The following OR6J1 variants were observed in gnomAD, a reference collection of about 807,000 sequenced individuals.
OR6J1 encodes the protein olfactory receptor 6J1.
For missense variants in OR6J1, 304 were observed against 166.8 expected, an observed-to-expected ratio of 1.82 and a Z score of -4.53; for synonymous variants, 109 against 70.0, an observed-to-expected ratio of 1.56 and a Z score of -2.78.
Position 22,641,367 on chromosome 14 carries a change from G to A in OR6J1, c.-28+2731C>T, listed in dbSNP as rs1454043325. Among the ~76,000 whole-genome samples the A allele has an allele frequency of 1.2e-4, 12 of 101,374 alleles. 1 individual carries two copies. The highest frequency in any genetic ancestry group is 1.8e-4 in the Non-Finnish European group (9 of 48,714). 66.5% of individuals were successfully genotyped at this position (101,374 alleles called of 152,430 possible). On this transcript the variant is annotated intron_variant, in intron 1 of 1. Coordinates refer to ENST00000540461, the MANE Select transcript of OR6J1 (RefSeq NM_001348233.2). The stretch of plus-strand genomic sequence containing the variant: ...GAGGGAGGGAAGAAAGAAAGAAAGG[G>A]GGGAGAGAAGAAAGAAAGAGAGAGA...
intron 1 of OR6J1, among the ~76,000 whole-genome samples, chr14:22,637,195 G>A (rs2037595638): frequency 9.8e-6 from 1 of 101,824 alleles, no homozygotes; most frequent in South Asian, 2.7e-4. Context: ...CGTCTGAGAA[G>A]TGAGGAGCCC....
intron 1 of OR6J1, among the ~76,000 whole-genome samples, chr14:22,643,744 C>CAG (rs2037668181): frequency 9.9e-6 from 1 of 101,380 alleles, no homozygotes; most frequent in African/African-American, 3.9e-5. Context: ...CACACACACA[C>CAG]ACACACACAC....
chr14:22,633,147 G>C lies in OR6J1; in HGVS notation c.*621C>G, dbSNP rs936110181. 6 of 153,204 alleles carry C rather than the reference G, an allele frequency of 3.9e-5. No homozygotes were observed. Among genetic ancestry groups the C allele is most frequent in the African/African-American group, 1.4e-4 (6 of 41,422 alleles). 9.5% of individuals were successfully genotyped at this position (153,204 alleles called of 1,614,324 possible). A position where few individuals can be genotyped will look rare whatever the true frequency, so the allele number is the denominator to read the frequency against. On this transcript the variant is annotated 3_prime_UTR_variant, in exon 2 of 2. Transcript: ENST00000540461. The stretch of plus-strand genomic sequence containing the variant: ...GTGCAAGTGTCCCTGCAGGTGATGG[G>C]TTATGCCTTCAGTCAGATTATCCAT...
chr14:22,637,530 G>C (rs1336277398), intron 1 of OR6J1, among the ~76,000 whole-genome samples: 1 of 35,428 alleles, frequency 2.8e-5, no homozygotes, highest in African/African-American at 2.5e-4. Flanking sequence ...CGTCCGGGAG[G>C]GGGGAGGGGG....
At position 22,641,254 on chromosome 14, in the gene OR6J1, AAAGAAAGAAAGAAAGG is replaced by A. The variant is rs1410680315; in HGVS notation, c.-28+2828_-28+2843del. Among the ~76,000 whole-genome samples the A allele has an allele frequency of 2.1e-3, 263 of 122,346 alleles. 14 individuals are homozygous for A. The highest frequency in any genetic ancestry group is 5.1e-3 in the African/African-American group (170 of 33,492). 80.3% of individuals were successfully genotyped at this position (122,346 alleles called of 152,430 possible). A position where few individuals can be genotyped will look rare whatever the true frequency, so the allele number is the denominator to read the frequency against. ...GAAAGAAAGAAAGAAAGAAAGAAAG[AAAGAAAGAAAGAAAGG>A]AAGGAAGGAAGAAAGAGAAGAAAGA... On this transcript the variant is annotated intron_variant, in intron 1 of 1. Coordinates refer to ENST00000540461, the MANE Select transcript of OR6J1 (RefSeq NM_001348233.2).
At chr14:22,640,925 A>G (rs1594903833) in intron 1 of OR6J1, among the ~76,000 whole-genome samples, 1 of 150,676 alleles carries the variant, frequency 6.6e-6, no homozygotes, top group East Asian at 2.0e-4. Flanking sequence ...TCCCAGCACT[A>G]TGGAAGGCCG....
intron 1 of OR6J1, among the ~76,000 whole-genome samples, chr14:22,642,013 G>A (rs1052757500): frequency 2.0e-5 from 3 of 152,002 alleles, no homozygotes; most frequent in Non-Finnish European, 4.4e-5. Flanking sequence ...AGTAAAGGAA[G>A]AGGACTGCAG....
intron 1 of OR6J1, among the ~76,000 whole-genome samples, chr14:22,639,161 G>A (rs1246184686): frequency 4.7e-5 from 5 of 105,458 alleles, no homozygotes; most frequent in East Asian, 4.7e-4. Flanking sequence ...GAGCCTCTCC[G>A]CCCGGCAGCC....
rs978417085 is a variant in OR6J1, at chr14:22,632,375, G to A, written c.*1393C>T. On this transcript the variant is annotated 3_prime_UTR_variant, in exon 2 of 2. Coordinates refer to ENST00000540461, the MANE Select transcript of OR6J1 (RefSeq NM_001348233.2). ...GAGTTCAGGAGATCGAGACCATCCTGGCTAACACAGTGAAGCCCCATCTCT... is the reference window on the plus strand; with the variant it reads ...GAGTTCAGGAGATCGAGACCATCCTAGCTAACACAGTGAAGCCCCATCTCT... 1 of 152,180 alleles carries A rather than the reference G, an allele frequency of 6.6e-6. No individual in the cohort carries two copies. Among genetic ancestry groups the A allele is most frequent in the African/African-American group, 2.4e-5 (1 of 41,402 alleles). The allele number at this position is 152,180 out of a possible 1,614,324, so 9.4% of individuals were successfully genotyped here. A position where few individuals can be genotyped will look rare whatever the true frequency, so the allele number is the denominator to read the frequency against.
chr14:22,643,785 AG>A (rs1566398803), intron 1 of OR6J1, among the ~76,000 whole-genome samples: 8 of 150,724 alleles, frequency 5.3e-5, no homozygotes, highest in African/African-American at 1.7e-4. Flanking sequence ...AGAGAGAGAG[AG>A]AGAGAGAGAG....
intron 1 of OR6J1, among the ~76,000 whole-genome samples, chr14:22,637,247 T>C (rs1432243434): frequency 1.3e-5 from 1 of 79,280 alleles, no homozygotes; most frequent in Non-Finnish European, 2.3e-5. Flanking sequence ...GAGGAGCGTC[T>C]CCGCCCGGCA....
Position 22,634,377 on chromosome 14 carries a change from T to C in OR6J1, c.435A>G (p.Val145=), listed in dbSNP as rs3751481. 0.2 allele frequency: 142,654 copies of C among 702,892 alleles called. 15,598 individuals carry two copies. Among genetic ancestry groups the C allele is most frequent in the African/African-American group, 0.32 (18,453 of 57,196 alleles). 43.5% of individuals were successfully genotyped at this position (702,892 alleles called of 1,614,324 possible). ...ACAGGAAGCCTCCCACCCAAGAGAA[T>C]ACAACGGTCCCAATGCAGACAGAAG... The part of the protein sequence containing the change: ...MRPSVCIGTV[V]FSWVGGFLSV... Residue 145 remains valine (V), a synonymous_variant, in exon 2 of 2, where the codon GTA becomes GTG. Transcript: ENST00000540461.
Position 22,634,425 on chromosome 14 carries a change from C to A in OR6J1, c.387G>T (p.Leu129=), listed in dbSNP as rs915457527. 2 of 703,356 alleles carry A rather than the reference C, an allele frequency of 2.8e-6. No individual in the cohort carries two copies. Among genetic ancestry groups the A allele is most frequent in the Admixed American group, 4.0e-5 (2 of 50,000 alleles). 43.6% of individuals were successfully genotyped at this position (703,356 alleles called of 1,614,324 possible). A position where few individuals can be genotyped will look rare whatever the true frequency, so the allele number is the denominator to read the frequency against. Residue 129 remains leucine (L), a synonymous_variant, in exon 2 of 2, where the codon CTG becomes CTT. Transcript: ENST00000540461. ...YDRYATICCP[L]RYTTIMRPSV... is the part of the protein sequence containing the mutation. ...AAGGTCTCATGATGGTGGTGTACCG[C>A]AGGGGGCAGCAGATGGTGGCATAAC... is the stretch of plus-strand genomic sequence containing the variant.
chr14:22,637,989 G>GC (rs2037607777), intron 1 of OR6J1, among the ~76,000 whole-genome samples: 1 of 97,370 alleles, frequency 1.0e-5, no homozygotes, highest in Non-Finnish European at 2.0e-5. Context: ...GAAGTGAGGA[G>GC]CCCCTCTGCC....
intron 1 of OR6J1, among the ~76,000 whole-genome samples, chr14:22,636,535 T>C (rs1299328065): frequency 1.3e-4 from 14 of 110,992 alleles, no homozygotes; most frequent in South Asian, 2.6e-4. Flanking sequence ...CTCAGCCTGC[T>C]GAGTGCCTGC....
In OR6J1 at chr14:22,633,435, C is replaced by T. The variant is rs181380520; in HGVS notation, c.*333G>A. The T allele has an allele frequency of 1.4e-4, 34 of 234,638 alleles. No individual in the cohort carries two copies. Among genetic ancestry groups the T allele is most frequent in the African/African-American group, 7.5e-4 (33 of 44,184 alleles). 14.5% of individuals were successfully genotyped at this position (234,638 alleles called of 1,614,324 possible). On this transcript the variant is annotated 3_prime_UTR_variant, in exon 2 of 2. Coordinates refer to ENST00000540461, the MANE Select transcript of OR6J1 (RefSeq NM_001348233.2). ...TCCGTGCAGAGAAGTTCAGGAAGGA[C>T]TTCGTGTCAAGCCGATAGAACAGTT... is the stretch of plus-strand genomic sequence containing the variant.
chr14:22,638,519 AG>A (rs1201081152), intron 1 of OR6J1, among the ~76,000 whole-genome samples: 4 of 94,102 alleles, frequency 4.3e-5, no homozygotes, highest in Non-Finnish European at 7.8e-5. Context: ...ACACTGCGGA[AG>A]GCCGCAGGGT....
chr14:22,636,230 C>G (rs192605531), intron 1 of OR6J1, among the ~76,000 whole-genome samples: 29 of 74 alleles, frequency 0.39, no homozygotes, highest in East Asian at 0.48. Flanking sequence ...CTAGCGCCCT[C>G]TCCCTCTCCC....
chr14:22,639,221 G>T (rs1265949328), intron 1 of OR6J1, among the ~76,000 whole-genome samples: 1 of 121,468 alleles, frequency 8.2e-6, no homozygotes, highest in Admixed American at 7.3e-5. Context: ...CACCCCGTCC[G>T]GGAGGGAGGT....
Sources: gnomAD v4.1 joint callset for allele counts (sites outside exome capture counted in the v4.1 genomes callset) on GRCh38, gnomAD v4.1.1 for gene constraint, MANE v1.5 for transcripts, NCBI Gene and HGNC (gene_info 2026-07-23, HGNC 2026-07-21) for gene names.